TAFA1: variants seen among roughly 807,000 people sequenced by gnomAD.
The protein encoded by TAFA1 is chemokine-like protein TAFA-1.
TAFA1 carries 4 observed loss-of-function variants against 18.5 expected under a neutral mutation model. The observed-to-expected ratio is 0.22, with a 90% confidence interval of 0.11 to 0.49. The LOEUF is 0.49. TAFA1 is among the 20% of genes least tolerant of loss of function. The pLI is 0.98. For missense variants in TAFA1, 147 were observed against 169.0 expected, an observed-to-expected ratio of 0.87 and a Z score of 0.72; for synonymous variants, 56 against 55.2, an observed-to-expected ratio of 1.01 and a Z score of -0.06.
At chr3:68,394,298 G>T (rs1023599536) in intron 2 of TAFA1, among the ~76,000 whole-genome samples, 2 of 152,024 alleles carry the variant, frequency 1.3e-5, no homozygotes, top group African/African-American at 2.4e-5. Context: ...AAGGAAATAA[G>T]AGAGGACACA....
At chr3:68,235,643 C>A (rs2066919812) in intron 2 of TAFA1, among the ~76,000 whole-genome samples, 1 of 152,000 alleles carries the variant, frequency 6.6e-6, no homozygotes, top group African/African-American at 2.4e-5. Context: ...TGGTGCTTAT[C>A]CTACCCAATG....
chr3:68,464,717 T>C (rs2071852912), intron 3 of TAFA1, among the ~76,000 whole-genome samples: 1 of 152,140 alleles, frequency 6.6e-6, no homozygotes, highest in Non-Finnish European at 1.5e-5. Flanking sequence ...GTTTAAAAAG[T>C]AATGTAGCCA....
chr3:68,154,614 G>T (rs1206288026), intron 2 of TAFA1, among the ~76,000 whole-genome samples: 1 of 152,172 alleles, frequency 6.6e-6, no homozygotes, highest in African/African-American at 2.4e-5. Flanking sequence ...CAGAGACCAG[G>T]TCCGCCTTTT....
At chr3:68,100,731 A>G (rs1377450840) in intron 2 of TAFA1, among the ~76,000 whole-genome samples, 1 of 152,128 alleles carries the variant, frequency 6.6e-6, no homozygotes, top group Non-Finnish European at 1.5e-5. Context: ...TTTTTTGAAC[A>G]TACCTTGTGT....
At chr3:68,103,045 C>T (rs1293812482) in intron 2 of TAFA1, among the ~76,000 whole-genome samples, 3 of 152,172 alleles carry the variant, frequency 2.0e-5, no homozygotes, top group African/African-American at 7.2e-5. Context: ...TGGGTGTGTG[C>T]ATGCATGCAT....
rs535274289 is a variant in TAFA1, at chr3:68,248,585, A to C, written c.119-168695A>C. ...AAATGCACCTGACAACAATAACTTA[A>C]GCATACCCTGAGAATGACTCTGTAT... On this transcript the variant is annotated intron_variant, in intron 2 of 4. Coordinates refer to ENST00000478136, the MANE Select transcript of TAFA1 (RefSeq NM_213609.4). Among the ~76,000 whole-genome samples the C allele has an allele frequency of 1.5e-3, 230 of 152,128 alleles. 1 individual carries two copies. Among genetic ancestry groups the C allele is most frequent in the African/African-American group, 5.3e-3 (220 of 41,480 alleles).
intron 2 of TAFA1, among the ~76,000 whole-genome samples, chr3:68,292,561 C>T (rs1337046362): frequency 6.6e-6 from 1 of 152,154 alleles, no homozygotes; most frequent in Admixed American, 6.5e-5. Context: ...AGGTCTCACT[C>T]TATCGCCCAA....
At chr3:68,261,945 G>A (rs1266817934) in intron 2 of TAFA1, among the ~76,000 whole-genome samples, 2 of 150,286 alleles carry the variant, frequency 1.3e-5, no homozygotes, top group Non-Finnish European at 3.0e-5. Flanking sequence ...AAAAGAAAGT[G>A]ACCCCAGTAT....
chr3:68,374,158 C>T lies in TAFA1; in HGVS notation c.119-43122C>T, dbSNP rs961550384. Among the ~76,000 whole-genome samples the T allele has an allele frequency of 3.3e-5, 5 of 152,178 alleles. No homozygotes were observed. The South Asian group carries it at 6.2e-4, about 19-fold the overall frequency. On this transcript the variant is annotated intron_variant, in intron 2 of 4. Coordinates refer to ENST00000478136, the MANE Select transcript of TAFA1 (RefSeq NM_213609.4). Reference sequence around the variant, plus strand: ...CATGGTGAAACGTAGCCACCCACAACTCCAGTGATTAAATGCTGCTATTTA... The same window carrying T: ...CATGGTGAAACGTAGCCACCCACAATTCCAGTGATTAAATGCTGCTATTTA...
At chr3:67,997,742 T>C in the TAFA1 span, among the ~76,000 whole-genome samples, 110,932 of 151,302 alleles carry the variant, frequency 0.73, 41,995 homozygotes, top group South Asian at 0.87. Context: ...TGATTACCTT[T>C]TTTTTGTAGT....
At chr3:68,152,713 T>C (rs1378156956) in intron 2 of TAFA1, among the ~76,000 whole-genome samples, 1 of 152,164 alleles carries the variant, frequency 6.6e-6, no homozygotes, top group African/African-American at 2.4e-5. Context: ...GGCTTTATTC[T>C]TAAGTAGCAC....
At chr3:68,197,570 G>A (rs903892381) in intron 2 of TAFA1, among the ~76,000 whole-genome samples, 7 of 145,186 alleles carry the variant, frequency 4.8e-5, no homozygotes, top group Non-Finnish European at 9.3e-5. Context: ...AAATGTCAAT[G>A]CCTTTTTTTT....
chr3:68,086,220 A>T (rs2064968378), intron 2 of TAFA1, among the ~76,000 whole-genome samples: 1 of 152,216 alleles, frequency 6.6e-6, no homozygotes, highest in African/African-American at 2.4e-5. Flanking sequence ...AGGGTCACAG[A>T]CACTTCCAGC....
chr3:68,363,873 A>G (rs2069518618), intron 2 of TAFA1, among the ~76,000 whole-genome samples: 1 of 152,172 alleles, frequency 6.6e-6, no homozygotes, highest in African/African-American at 2.4e-5. Flanking sequence ...CAAGGTTACA[A>G]CATTGCGAAC....
At chr3:68,083,522 T>C (rs934019265) in intron 2 of TAFA1, among the ~76,000 whole-genome samples, 5 of 152,244 alleles carry the variant, frequency 3.3e-5, no homozygotes, top group African/African-American at 9.6e-5. Context: ...TTTAGTGGCA[T>C]GGAACAGAGT....
At chr3:68,395,202 C>A (rs1318150592) in intron 2 of TAFA1, among the ~76,000 whole-genome samples, 3 of 152,052 alleles carry the variant, frequency 2.0e-5, no homozygotes, top group African/African-American at 7.2e-5. Context: ...AAAAACTCAT[C>A]ACTGGTCGTT....
chr3:68,225,519 C>G (rs941929363), intron 2 of TAFA1, among the ~76,000 whole-genome samples: 4 of 152,164 alleles, frequency 2.6e-5, no homozygotes, highest in African/African-American at 9.7e-5. Flanking sequence ...TGTCTCCTCT[C>G]ATCTTGTCTG....
chr3:68,168,985 A>G (rs754566569), intron 2 of TAFA1, among the ~76,000 whole-genome samples: 1 of 152,186 alleles, frequency 6.6e-6, no homozygotes, highest in African/African-American at 2.4e-5. Context: ...CTGGAAATAA[A>G]TTTGCTATTC....
intron 2 of TAFA1, among the ~76,000 whole-genome samples, chr3:68,070,410 G>C (rs926743059): frequency 1.3e-5 from 2 of 152,200 alleles, no homozygotes; most frequent in East Asian, 3.9e-4. Flanking sequence ...CACACAGCAG[G>C]GGGCCCCTTG....
Sources: gnomAD v4.1 joint callset for allele counts (sites outside exome capture counted in the v4.1 genomes callset) on GRCh38, gnomAD v4.1.1 for gene constraint, MANE v1.5 for transcripts, NCBI Gene and HGNC (gene_info 2026-07-23, HGNC 2026-07-21) for gene names.